Variants in FANCA observed in about 807,000 individuals in gnomAD.
FANCA encodes the protein Fanconi anemia group A protein.
FANCA carries 236 observed loss-of-function variants against 194.3 expected under a neutral mutation model. The observed-to-expected ratio is 1.21, with a 90% CI of 1.09 to 1.35. FANCA has a LOEUF of 1.35. FANCA is among the 40% of genes most tolerant of loss of function. The pLI is 0.00. For missense variants in FANCA, 2,628 were observed against 1,813.9 expected, an observed-to-expected ratio of 1.45 and a Z score of -8.15; for synonymous variants, 1,014 against 715.8, an observed-to-expected ratio of 1.42 and a Z score of -6.65.
At chr16:89,746,448 G>T in intron 35 of FANCA, 136 bp downstream of exon 35, 1 of 751,362 alleles carries the variant, frequency 1.3e-6, no homozygotes. Flanking sequence ...TTTAACTGTG[G>T]CTTCCATGTC....
intron 27 of FANCA, among the ~76,000 whole-genome samples, chr16:89,766,276 T>G (rs2039124982): frequency 6.6e-6 from 1 of 151,398 alleles, no homozygotes; most frequent in Non-Finnish European, 1.5e-5. Flanking sequence ...ATTACAGGCA[T>G]GAGCCACCAC....
chr16:89,803,163 C>G lies in FANCA; in HGVS notation c.792+96G>C. ...CATGTACCCCGTAAATAGGTACAAA[C>G]AGCACGTTTCAATAGAGAGACACGT... On this transcript the variant is annotated intron_variant, in intron 8 of 42. Coordinates refer to ENST00000389301, the MANE Select transcript of FANCA (RefSeq NM_000135.4). 5.1e-6 allele frequency: 6 copies of G among 1,173,432 alleles called. No homozygotes were observed. In the South Asian group the frequency reaches 7.3e-5, roughly 14 times the overall value. 72.7% of individuals were successfully genotyped at this position (1,173,432 alleles called of 1,614,324 possible). A position where few individuals can be genotyped will look rare whatever the true frequency, so the allele number is the denominator to read the frequency against.
In FANCA at chr16:89,758,676, T is replaced by G. The variant is rs1354024073; in HGVS notation, c.2882A>C (p.Glu961Ala). Residue 961 changes from glutamate to alanine, a missense_variant, in exon 30 of 43, where the codon GAG (glutamate) becomes GCG (alanine). Glu to Ala is a moderately radical substitution (Grantham distance 107). Coordinates refer to ENST00000389301, the MANE Select transcript of FANCA (RefSeq NM_000135.4). ...AGCCGAGGACTCAGGGAGAAAGTGC[T>G]CATGGATCGCCCACTGGTGGAAGTC... is the stretch of plus-strand genomic sequence containing the variant. ...RQDFHQWAIH[E>A]HFLPESSASG... 6.2e-7 allele frequency: 1 copy of G among 1,614,008 alleles called. No homozygotes were observed. Among genetic ancestry groups the G allele is most frequent in the Admixed American group, 1.7e-5 (1 of 60,012 alleles).
chr16:89,757,948 C>A (rs2038819592), intron 30 of FANCA, among the ~76,000 whole-genome samples: 1 of 152,168 alleles, frequency 6.6e-6, no homozygotes. Context: ...CTCTGCCTCC[C>A]AGGTTCAAGC....
chr16:89,750,640 G>A (rs1014630118), intron 31 of FANCA, among the ~76,000 whole-genome samples: 2 of 152,058 alleles, frequency 1.3e-5, no homozygotes, highest in South Asian at 2.1e-4. Flanking sequence ...GGGTGTGGTG[G>A]CAGGCGCCTG....
rs2143225945 is a variant in FANCA, at chr16:89,758,708, A to G, written c.2853-3T>C. The stretch of plus-strand genomic sequence containing the variant: ...TCGCCCACTGGTGGAAGTCCTGCCT[A>G]GAACAGCAAACACTGCTATCAATTC... On this transcript the variant is annotated splice_polypyrimidine_tract_variant and splice_region_variant and intron_variant, in intron 29 of 42. Transcript: ENST00000389301. The G allele has an allele frequency of 1.2e-6, 2 of 1,613,458 alleles. No homozygotes were observed. Among genetic ancestry groups the G allele is most frequent in the East Asian group, 4.5e-5 (2 of 44,856 alleles).
intron 8 of FANCA, among the ~76,000 whole-genome samples, chr16:89,801,139 T>C (rs1288213338): frequency 6.6e-6 from 1 of 151,272 alleles, no homozygotes; most frequent in Admixed American, 6.6e-5. Flanking sequence ...AGATCAGAAG[T>C]TCGAGACCAG....
chr16:89,804,285 C>T (rs2040556786), intron 7 of FANCA, among the ~76,000 whole-genome samples: 1 of 152,042 alleles, frequency 6.6e-6, no homozygotes, highest in Admixed American at 6.6e-5. Flanking sequence ...GATGGGTCTC[C>T]CAGCAGGTGT....
chr16:89,804,507 G>A (rs2040565866), intron 7 of FANCA, among the ~76,000 whole-genome samples: 1 of 152,072 alleles, frequency 6.6e-6, no homozygotes, highest in South Asian at 2.1e-4. Flanking sequence ...AAGCTGGATT[G>A]GTCCAAGCCA....
In FANCA at chr16:89,749,718, A is replaced by T; in HGVS notation, c.3239+12T>A. 1.2e-6 allele frequency: 2 copies of T among 1,612,252 alleles called. No homozygotes were observed. The highest frequency in any genetic ancestry group is 1.7e-6 in the Non-Finnish European group (2 of 1,179,092). ...GGTGGTGCTGCCCTGCCCAGGTGGT[A>T]GTAGGTGTTACCGTTTGTACATTAG... On this transcript the variant is annotated intron_variant, in intron 32 of 42. Coordinates refer to ENST00000389301, the MANE Select transcript of FANCA (RefSeq NM_000135.4).
chr16:89,758,787 T>G, intron 29 of FANCA, 82 bp from the exon 30 acceptor site: 1 of 1,590,418 alleles, frequency 6.3e-7, no homozygotes, highest in South Asian at 1.1e-5. Flanking sequence ...AGGCCCATAG[T>G]AAGGGACACA....
chr16:89,768,317 T>C (rs964029476), intron 26 of FANCA, among the ~76,000 whole-genome samples: 2 of 152,164 alleles, frequency 1.3e-5, no homozygotes, highest in African/African-American at 2.4e-5. Context: ...CATGAGGCAA[T>C]GGAGATGTCA....
intron 38 of FANCA, 167 bp from the exon 39 acceptor site, chr16:89,740,266 A>T: frequency 8.8e-6 from 6 of 678,374 alleles, no homozygotes; most frequent in African/African-American, 3.5e-5. Context: ...TCTGGACAGA[A>T]GAGGCTCAGG....
Position 89,791,540 on chromosome 16 carries a change from G to A in FANCA, c.1226-4C>T. On this transcript the variant is annotated splice_region_variant and splice_polypyrimidine_tract_variant and intron_variant, in intron 13 of 42. Coordinates refer to ENST00000389301, the MANE Select transcript of FANCA (RefSeq NM_000135.4). ...GCCATCAAACGCGCCACCCAGTCTA[G>A]TTAAGAACCATGACATAGTCACAGC... The A allele has an allele frequency of 6.2e-7, 1 of 1,614,026 alleles. No homozygotes were observed. Among genetic ancestry groups the A allele is most frequent in the Non-Finnish European group, 8.5e-7 (1 of 1,180,020 alleles).
intron 27 of FANCA, among the ~76,000 whole-genome samples, chr16:89,766,236 C>T (rs1305250260): frequency 6.6e-6 from 1 of 151,718 alleles, no homozygotes; most frequent in Non-Finnish European, 1.5e-5. Flanking sequence ...ACCTCATGAT[C>T]TGCCCGCCTC....
intron 18 of FANCA, among the ~76,000 whole-genome samples, chr16:89,779,610 C>A (rs1002715885): frequency 2.0e-5 from 3 of 152,194 alleles, no homozygotes; most frequent in African/African-American, 7.2e-5. Context: ...CTTGACCTCA[C>A]CCCGTATCCC....
At chr16:89,773,550 C>G (rs1181795469) in intron 21 of FANCA, among the ~76,000 whole-genome samples, 166 bp from the exon 22 acceptor site, 1 of 152,088 alleles carries the variant, frequency 6.6e-6, no homozygotes, top group Non-Finnish European at 1.5e-5. Context: ...GGTGTCTTCC[C>G]TGATGCTGGA....
intron 31 of FANCA, among the ~76,000 whole-genome samples, chr16:89,751,911 C>G (rs897340828): frequency 6.6e-6 from 1 of 152,044 alleles, no homozygotes; most frequent in Non-Finnish European, 1.5e-5. Context: ...GGTGGGGCTA[C>G]AGGTGCCCGC....
At chr16:89,811,402 G>T (rs892431088) in intron 3 of FANCA, among the ~76,000 whole-genome samples, 2 of 152,192 alleles carry the variant, frequency 1.3e-5, no homozygotes, top group African/African-American at 4.8e-5. Context: ...AATAAATTGA[G>T]AACTGCAGCA....
Sources: gnomAD v4.1 joint callset for allele counts (sites outside exome capture counted in the v4.1 genomes callset) on GRCh38, gnomAD v4.1.1 for gene constraint, MANE v1.5 for transcripts, NCBI Gene and HGNC (gene_info 2026-07-23, HGNC 2026-07-21) for gene names.